Variants in NRXN3 observed in about 807,000 individuals in gnomAD.
NRXN3 encodes neurexin 3, also known as neurexin III.
In NRXN3, 32 loss-of-function variants were observed where a neutral mutation model predicts 137.6. That is an observed-to-expected ratio of 0.23 (90% CI 0.18 to 0.31). The LOEUF (loss-of-function observed/expected upper bound fraction) is 0.31. Ranked by LOEUF, NRXN3 falls within the 10% of genes least tolerant of loss-of-function variation. The pLI, the probability that NRXN3 is intolerant of heterozygous loss-of-function variation, is 1.00. For missense variants in NRXN3, 1,574 were observed against 2,062.5 expected (o/e 0.76, Z 4.59); for synonymous variants, 798 against 784.5 (o/e 1.02, Z -0.29).
intron 15 of NRXN3, among the ~76,000 whole-genome samples, chr14:79,092,089 TAGAC>T (rs1295751045): frequency 6.6e-5 from 10 of 152,214 alleles, no homozygotes; most frequent in Non-Finnish European, 8.8e-5. Context: ...TTGTTTATAA[TAGAC>T]AGTTCTACAT....
intron 16 of NRXN3, among the ~76,000 whole-genome samples, chr14:79,600,989 C>A (rs1602744683): frequency 3.4e-5 from 5 of 146,694 alleles, no homozygotes; most frequent in African/African-American, 1.3e-4. Flanking sequence ...TATCTGTGTT[C>A]TTAACAATCT....
At chr14:79,692,405 C>T (rs1603432309) in intron 18 of NRXN3, 143 bp downstream of exon 18, 1 of 683,356 alleles carries the variant, frequency 1.5e-6, no homozygotes, top group African/African-American at 1.8e-5. Flanking sequence ...GTGTCAGCTT[C>T]CACCTGCCAT....
chr14:79,532,842 G>T (rs1467734949), intron 16 of NRXN3, among the ~76,000 whole-genome samples: 1 of 152,140 alleles, frequency 6.6e-6, no homozygotes, highest in African/African-American at 2.4e-5. Flanking sequence ...ATAAATAAAT[G>T]TCACTTGAGG....
chr14:79,375,199 A>G (rs2094227687), intron 15 of NRXN3, among the ~76,000 whole-genome samples: 1 of 148,818 alleles, frequency 6.7e-6, no homozygotes, highest in Non-Finnish European at 1.5e-5. Context: ...TAGTCATTTA[A>G]TGTTCTTGGA....
chr14:79,739,927 G>T (rs909235753), intron 19 of NRXN3, among the ~76,000 whole-genome samples: 1 of 152,146 alleles, frequency 6.6e-6, no homozygotes, highest in African/African-American at 2.4e-5. Flanking sequence ...TTGCAGTGAA[G>T]GTCTGTTCAC....
chr14:78,280,582 G>T (rs1330048987), intron 3 of NRXN3, among the ~76,000 whole-genome samples: 4 of 152,118 alleles, frequency 2.6e-5, no homozygotes, highest in Non-Finnish European at 4.4e-5. Flanking sequence ...CATAGAGCTG[G>T]GCCCTGCATA....
At chr14:78,840,473 C>T (rs2099009250) in intron 10 of NRXN3, among the ~76,000 whole-genome samples, 1 of 152,156 alleles carries the variant, frequency 6.6e-6, no homozygotes, top group Admixed American at 6.6e-5. Flanking sequence ...TTGGGATAGT[C>T]AGAATAGGTT....
chr14:79,188,602 C>A (rs911784785), intron 15 of NRXN3, among the ~76,000 whole-genome samples: 1 of 152,158 alleles, frequency 6.6e-6, no homozygotes, highest in African/African-American at 2.4e-5. Flanking sequence ...GGGACAGCAG[C>A]CATTCTTAAA....
chr14:79,575,648 C>T (rs1249076527), intron 16 of NRXN3, among the ~76,000 whole-genome samples: 1 of 152,112 alleles, frequency 6.6e-6, no homozygotes, highest in Non-Finnish European at 1.5e-5. Flanking sequence ...AATTTCCCAT[C>T]ACTTTAGATT....
chr14:79,162,799 C>T (rs1484235162), intron 15 of NRXN3, among the ~76,000 whole-genome samples: 2 of 151,840 alleles, frequency 1.3e-5, no homozygotes, highest in East Asian at 3.9e-4. Flanking sequence ...ATGACAAAGC[C>T]AGGTGCCCTG....
At chr14:78,943,613 AAAAAAAAAATATATATATATAT>A (rs2099357527) in intron 10 of NRXN3, among the ~76,000 whole-genome samples, 1 of 31,022 alleles carries the variant, frequency 3.2e-5, no homozygotes, top group Non-Finnish European at 5.4e-5. Context: ...TCACTGTTAA[AAAAAAAAAATATATATATATAT>A]ATATATATAT....
rs193121528 is a variant in NRXN3 at position 78,297,684 on chromosome 14, A to C, written c.728-147A>C. The C allele has an allele frequency of 1.3e-4, 85 of 658,616 alleles. 2 individuals are homozygous for C. The highest frequency in any genetic ancestry group is 7.7e-4 in the East Asian group (28 of 36,292). The allele number at this position is 658,616 out of a possible 1,614,324, so 40.8% of individuals were successfully genotyped here. A position where few individuals can be genotyped will look rare whatever the true frequency, so the allele number is the denominator to read the frequency against. On this transcript the variant is annotated intron_variant, in intron 3 of 20. Transcript: ENST00000335750. ...AGGGTATGTGCATGTGGAGTCTGAC[A>C]TGTGAGCAAGCGTGCGGCCCCTGTC...
intron 19 of NRXN3, among the ~76,000 whole-genome samples, chr14:79,775,331 T>G (rs920362862): frequency 6.6e-6 from 1 of 152,090 alleles, no homozygotes; most frequent in African/African-American, 2.4e-5. Context: ...TAATTCTAGG[T>G]ATCCTGGAAA....
chr14:78,447,134 A>G (rs1334562262), intron 4 of NRXN3, among the ~76,000 whole-genome samples: 1 of 152,198 alleles, frequency 6.6e-6, no homozygotes, highest in Non-Finnish European at 1.5e-5. Context: ...TACAGTTTCA[A>G]TCACTTGCTG....
chr14:78,964,495 C>T (rs1372231042), intron 11 of NRXN3, among the ~76,000 whole-genome samples: 1 of 152,222 alleles, frequency 6.6e-6, no homozygotes, highest in Non-Finnish European at 1.5e-5. Context: ...TAAGCATACA[C>T]AGCTTCTCTT....
At chr14:79,563,947 T>C (rs778125537) in intron 16 of NRXN3, among the ~76,000 whole-genome samples, 1 of 152,014 alleles carries the variant, frequency 6.6e-6, no homozygotes, top group Non-Finnish European at 1.5e-5. Flanking sequence ...GTCCAAGCAG[T>C]AGCCAGAAGA....
intron 4 of NRXN3, among the ~76,000 whole-genome samples, chr14:78,341,489 A>C (rs2082141041): frequency 6.6e-6 from 1 of 152,190 alleles, no homozygotes; most frequent in Non-Finnish European, 1.5e-5. Flanking sequence ...TTTATCAGGA[A>C]AGCAGCCATA....
At chr14:79,521,464 T>C (rs2097063735) in intron 16 of NRXN3, among the ~76,000 whole-genome samples, 1 of 152,154 alleles carries the variant, frequency 6.6e-6, no homozygotes, top group South Asian at 2.1e-4. Flanking sequence ...TCTCGACAAA[T>C]ATATTATTTG....
At chr14:78,327,773 C>T (rs769528313) in intron 4 of NRXN3, among the ~76,000 whole-genome samples, 25 of 152,168 alleles carry the variant, frequency 1.6e-4, no homozygotes, top group Admixed American at 5.2e-4. Flanking sequence ...CTACATCAGG[C>T]GGTGATAAAT....
Sources: gnomAD v4.1 joint callset for allele counts (sites outside exome capture counted in the v4.1 genomes callset) on GRCh38, gnomAD v4.1.1 for gene constraint, MANE v1.5 for transcripts, NCBI Gene and HGNC (gene_info 2026-07-23, HGNC 2026-07-21) for gene names.